The following DOCK11 variants were observed in gnomAD, a reference collection of about 807,000 sequenced individuals.
DOCK11 encodes dedicator of cytokinesis 11, also known as dedicator of cytokinesis protein 11.
In DOCK11, 70 loss-of-function variants were observed where a neutral mutation model predicts 169.1. That is an observed-to-expected ratio of 0.41 (90% confidence interval 0.34 to 0.51). The LOEUF is 0.51. Ranked by LOEUF, DOCK11 falls within the 20% of genes least tolerant of loss-of-function variation. The pLI is 0.10. For synonymous variants in DOCK11, 529 were observed against 541.3 expected, an observed-to-expected ratio of 0.98 and a Z score of 0.32; for missense variants, 1,166 against 1,538.8, an observed-to-expected ratio of 0.76 and a Z score of 4.05.
intron 46 of DOCK11, among the ~76,000 whole-genome samples, chrX:118,674,515 CTGAG>C (rs1359637384): frequency 1.8e-5 from 2 of 112,188 alleles, no homozygotes; most frequent in Non-Finnish European, 3.8e-5. Flanking sequence ...TTTTTTATGG[CTGAG>C]TAAGATTCCA....
At chrX:118,500,843 T>C (rs1368688123) in intron 1 of DOCK11, among the ~76,000 whole-genome samples, 2 of 110,901 alleles carry the variant, frequency 1.8e-5, no homozygotes, top group Admixed American at 1.9e-4. Context: ...GGTTTCACAG[T>C]GTTTCCCCAG....
Position 118,624,559 on chromosome X carries a change from A to C in DOCK11, c.3492A>C (p.Ala1164=), listed in dbSNP as rs1489288007. The part of the protein sequence containing the change: ...YQHKNQQAKI[A]QLYLPFVGLL... ...TTCAGAACCAACAAGCCAAAATAGC[A>C]CAATTGTACCTCCCCTTTGTTGGAC... Residue 1164 remains alanine (A), a synonymous_variant, in exon 32 of 53, where the codon GCA becomes GCC. Coordinates refer to ENST00000276202, the MANE Select transcript of DOCK11 (RefSeq NM_144658.4). 8.3e-7 allele frequency: 1 copy of C among 1,203,865 alleles called. No individual in the cohort carries two copies. Among genetic ancestry groups the C allele is most frequent in the Non-Finnish European group, 1.1e-6 (1 of 891,130 alleles).
rs1171827287 is a variant in DOCK11 at position 118,598,109 on chromosome X, A to G, written c.2465A>G (p.Tyr822Cys). ...AAAAGCCACTTAGAATCTACCATTT[A>G]CACTCAAGTAAGTTGCATCATTTGA... ...KIKSHLESTI[Y>C]TQDLHVHKFF... Residue 822 changes from tyrosine to cysteine, a missense_variant, in exon 22 of 53, where the codon TAC becomes TGC. Physicochemically the swap from Tyr to Cys is radical, Grantham distance 194. Coordinates refer to ENST00000276202, the MANE Select transcript of DOCK11 (RefSeq NM_144658.4). The G allele has an allele frequency of 8.5e-6, 10 of 1,181,878 alleles. No individual in the cohort carries two copies. Among genetic ancestry groups the G allele is most frequent in the Non-Finnish European group, 1.1e-5 (10 of 875,120 alleles).
chrX:118,550,437 T>G (rs1056366063), intron 6 of DOCK11, among the ~76,000 whole-genome samples: 3 of 108,943 alleles, frequency 2.8e-5, no homozygotes, highest in Non-Finnish European at 5.7e-5. Context: ...ACACCTTATC[T>G]CAAAAAAAAA....
At chrX:118,675,701 TAG>T (rs2016594137) in intron 46 of DOCK11, among the ~76,000 whole-genome samples, 1 of 110,035 alleles carries the variant, frequency 9.1e-6, no homozygotes, top group Admixed American at 9.7e-5. Context: ...CTTTTTTTTT[TAG>T]AAGAAATTTC....
At chrX:118,617,609 A>C (rs1025942524) in intron 30 of DOCK11, among the ~76,000 whole-genome samples, 19 of 16,158 alleles carry the variant, frequency 1.2e-3, no homozygotes, top group African/African-American at 4.9e-3. Context: ...GCCTGGGCAC[A>C]GTGGCTTATG....
intron 20 of DOCK11, among the ~76,000 whole-genome samples, chrX:118,594,451 G>A (rs1425267459): frequency 1.8e-5 from 2 of 111,841 alleles, no homozygotes; most frequent in Non-Finnish European, 3.8e-5. Flanking sequence ...TTCATATTTT[G>A]GATTTTTGGA....
In DOCK11 at chrX:118,608,115, G is replaced by T. The variant is rs1167342384; in HGVS notation, c.2725G>T (p.Asp909Tyr). 3 of 1,205,902 alleles carry T rather than the reference G, an allele frequency of 2.5e-6. No homozygotes were observed. The highest frequency in any genetic ancestry group is 1.8e-5 in the South Asian group (1 of 55,635). ...IVSKCHEEGL[D>Y]SYLRSFIKYS... The stretch of plus-strand genomic sequence containing the variant: ...ATCAAAGTGCCATGAAGAAGGCTTG[G>T]ATAGTTATCTAAGATCATTCATAAA... The change falls in exon 25 of 53, where the codon GAT (aspartate) becomes TAT (tyrosine). Residue 909 changes from aspartate (D) to tyrosine (Y), a missense_variant. Transcript: ENST00000276202.
intron 39 of DOCK11, 87 bp downstream of exon 39, chrX:118,641,392 GA>G: frequency 3.0e-6 from 2 of 659,299 alleles, no homozygotes; most frequent in Non-Finnish European, 4.7e-6. Context: ...GTAGTACACT[GA>G]AAAAGGCTGG....
At chrX:118,503,074 CTT>C (rs767017269) in intron 1 of DOCK11, among the ~76,000 whole-genome samples, 2 of 90,759 alleles carry the variant, frequency 2.2e-5, no homozygotes. Flanking sequence ...ATAACAAAGG[CTT>C]TTTTTTTTTT....
chrX:118,500,787 A>C (rs2057570975), intron 1 of DOCK11, among the ~76,000 whole-genome samples: 1 of 109,782 alleles, frequency 9.1e-6, no homozygotes, highest in African/African-American at 3.3e-5. Flanking sequence ...TGCCCAGCTA[A>C]AGTTTTTTTT....
intron 1 of DOCK11, among the ~76,000 whole-genome samples, chrX:118,514,365 C>T (rs2057669079): frequency 9.0e-6 from 1 of 111,326 alleles, no homozygotes; most frequent in Non-Finnish European, 1.9e-5. Context: ...TTTGTGCACA[C>T]GTTCCTGCGG....
At chrX:118,609,006 C>T (rs2014609032) in intron 26 of DOCK11, among the ~76,000 whole-genome samples, 1 of 111,820 alleles carries the variant, frequency 8.9e-6, no homozygotes, top group African/African-American at 3.3e-5. Context: ...CTTATTACCA[C>T]TTGAGGGCAA....
At chrX:118,650,896 G>C (rs996179720) in intron 41 of DOCK11, among the ~76,000 whole-genome samples, 1 of 112,041 alleles carries the variant, frequency 8.9e-6, no homozygotes, top group African/African-American at 3.2e-5. Flanking sequence ...CCTCTACAAA[G>C]TAGGGATTTT....
intron 6 of DOCK11, among the ~76,000 whole-genome samples, chrX:118,547,778 G>A (rs146070597): frequency 8.9e-6 from 1 of 112,453 alleles, no homozygotes; most frequent in Admixed American, 9.4e-5. Context: ...AATATATTTC[G>A]TGCCAGAGTT....
intron 44 of DOCK11, among the ~76,000 whole-genome samples, chrX:118,657,574 A>G (rs1938701459): frequency 8.9e-6 from 1 of 111,966 alleles, no homozygotes; most frequent in Admixed American, 9.5e-5. Flanking sequence ...TGGTAGTAGT[A>G]AAAGTCCTCA....
intron 1 of DOCK11, among the ~76,000 whole-genome samples, chrX:118,534,275 A>G (rs1229590343): frequency 8.9e-6 from 1 of 112,250 alleles, no homozygotes; most frequent in Admixed American, 9.4e-5. Context: ...TGAAAATTCT[A>G]TTTATCCATT....
At chrX:118,637,484 G>A (rs2015420353) in intron 36 of DOCK11, among the ~76,000 whole-genome samples, 1 of 112,085 alleles carries the variant, frequency 8.9e-6, no homozygotes, top group Admixed American at 9.4e-5. Flanking sequence ...GGCGGGCCAG[G>A]CGTGGTGGCT....
Position 118,566,609 on chromosome X carries a change from A to G in DOCK11, c.907A>G (p.Ile303Val), listed in dbSNP as rs1485851125. The G allele has an allele frequency of 1.2e-5, 15 of 1,209,969 alleles. No individual in the cohort carries two copies. The Admixed American group carries it at 3.1e-4, about 25-fold the overall frequency. ...ETSSQGKAEN[I>V]MASLERSMHP... ...TAGCAGCCAAGGAAAAGCCGAGAAC[A>G]TCATGGCAAGTTTGGAAAGGAGCAT... Residue 303 changes from isoleucine (I) to valine (V), a missense_variant, in exon 9 of 53, where the codon ATC becomes GTC. Ile to Val is a conservative substitution (Grantham distance 29). Coordinates refer to ENST00000276202, the MANE Select transcript of DOCK11 (RefSeq NM_144658.4).
Sources: allele counts gnomAD v4.1 joint callset (sites outside exome capture counted in the v4.1 genomes callset), GRCh38; gene constraint gnomAD v4.1.1; transcripts MANE v1.5; gene names NCBI Gene and HGNC (gene_info 2026-07-23, HGNC 2026-07-21).